The following MME variants were observed in gnomAD, a reference collection of about 807,000 sequenced individuals.
MME encodes the protein membrane metalloendopeptidase.
Under a neutral mutation model 113.2 loss-of-function variants are expected in MME, and 98 were observed. The observed-to-expected ratio is 0.87, with a 90% CI of 0.74 to 1.02. The LOEUF (loss-of-function observed/expected upper bound fraction) is 1.02. MME is among the 50% of genes least tolerant of loss of function. The probability of loss-of-function intolerance (pLI) is 0.00; values close to 1 mark genes in which losing one functional copy is unlikely to be tolerated. For synonymous variants in MME, 292 were observed against 300.6 expected, an observed-to-expected ratio of 0.97 and a Z score of 0.30; for missense variants, 836 against 896.0, an observed-to-expected ratio of 0.93 and a Z score of 0.86.
chr3:155,079,653 G>C (rs999868846), upstream of MME: 1 of 149,432 alleles, frequency 6.7e-6, no homozygotes, highest in South Asian at 2.1e-4. Flanking sequence ...CCGTGAGAGC[G>C]CCGAGACGCG....
chr3:155,172,225 T>C lies in MME; in HGVS notation c.2076+13T>C. 2 of 1,536,346 alleles carry C rather than the reference T, an allele frequency of 1.3e-6. No homozygotes were observed. Among genetic ancestry groups the C allele is most frequent in the Non-Finnish European group, 1.8e-6 (2 of 1,109,742 alleles). On this transcript the variant is annotated intron_variant, in intron 21 of 22. Coordinates refer to ENST00000360490, the MANE Select transcript of MME (RefSeq NM_007289.4). ...GAACTTTGCACAGGTATTGTGTCTT[T>C]CTTGATTGATAGATATGAAAACCAT...
intron 8 of MME, among the ~76,000 whole-genome samples, chr3:155,136,352 A>C (rs1426913600): frequency 6.6e-6 from 1 of 152,120 alleles, no homozygotes; most frequent in African/African-American, 2.4e-5. Context: ...TTTATTATGA[A>C]AGGACATTGG....
intron 1 of MME, among the ~76,000 whole-genome samples, chr3:155,031,594 G>A (rs1712973464): frequency 6.6e-6 from 1 of 152,158 alleles, no homozygotes; most frequent in Non-Finnish European, 1.5e-5. Flanking sequence ...AAGTACCATT[G>A]AAAAATAGCT....
In MME at chr3:155,133,039, TAAA is replaced by T. The variant is rs796968290; in HGVS notation, c.721-5041_721-5039del. Reference sequence around the variant, plus strand: ...CTGGGCAACAAGAGCAAACCCCGTCTAAAAAAAAAAAAAAAAAAAAAAAATATA... The same window carrying T: ...CTGGGCAACAAGAGCAAACCCCGTCTAAAAAAAAAAAAAAAAAAAAATATA... On this transcript the variant is annotated intron_variant, in intron 8 of 22. Coordinates refer to ENST00000360490, the MANE Select transcript of MME (RefSeq NM_007289.4). 7.7e-4 allele frequency among the ~76,000 whole-genome samples: 37 copies of T among 48,018 alleles called. 1 individual carries two copies. Among genetic ancestry groups the T allele is most frequent in the African/African-American group, 2.0e-3 (26 of 12,886 alleles). 31.5% of individuals were successfully genotyped at this position (48,018 alleles called of 152,430 possible). A position where few individuals can be genotyped will look rare whatever the true frequency, so the allele number is the denominator to read the frequency against.
intron 7 of MME, among the ~76,000 whole-genome samples, chr3:155,117,599 G>T (rs199923018): frequency 5.6e-3 from 735 of 130,750 alleles, no homozygotes; most frequent in Middle Eastern, 9.1e-3. Context: ...TTTTTTTTTT[G>T]TTTTTTTTTT....
intron 1 of MME, among the ~76,000 whole-genome samples, chr3:155,040,964 AT>A (rs2108120199): frequency 6.6e-6 from 1 of 152,330 alleles, no homozygotes; most frequent in East Asian, 1.9e-4. Flanking sequence ...ATAAATTTCT[AT>A]TACGAAGAAA....
intron 1 of MME, among the ~76,000 whole-genome samples, chr3:155,067,034 C>A (rs923266618): frequency 1.3e-5 from 2 of 151,964 alleles, no homozygotes; most frequent in African/African-American, 2.4e-5. Context: ...TATAAAGGAA[C>A]CATGAGTAAT....
At chr3:155,170,933 C>A (rs905301931) in intron 20 of MME, among the ~76,000 whole-genome samples, 5 of 152,138 alleles carry the variant, frequency 3.3e-5, no homozygotes, top group African/African-American at 1.2e-4. Flanking sequence ...CAGTGTTATG[C>A]AAACCATTGT....
chr3:155,162,023 C>T (rs1367077160), intron 17 of MME, among the ~76,000 whole-genome samples: 2 of 152,110 alleles, frequency 1.3e-5, no homozygotes, highest in African/African-American at 2.4e-5. Flanking sequence ...CTGAGACAAA[C>T]GTAATAATTA....
intron 1 of MME, among the ~76,000 whole-genome samples, chr3:155,057,099 C>A (rs1713958125): frequency 6.6e-6 from 1 of 152,106 alleles, no homozygotes; most frequent in Non-Finnish European, 1.5e-5. Flanking sequence ...GACAAATGGA[C>A]TCTAATTAAA....
chr3:155,026,481 TG>T (rs1170102216), intron 1 of MME, among the ~76,000 whole-genome samples: 1 of 152,182 alleles, frequency 6.6e-6, no homozygotes, highest in African/African-American at 2.4e-5. Context: ...CCCAGCACTT[TG>T]GGAGGCCGAG....
At chr3:155,072,167 C>CAAAAAAAAAAAA (rs71155031) in intron 1 of MME, among the ~76,000 whole-genome samples, 1 of 65,074 alleles carries the variant, frequency 1.5e-5, no homozygotes, top group African/African-American at 7.1e-5. Flanking sequence ...GACTCCGTCT[C>CAAAAAAAAAAAA]AAAAAAAAAA....
At position 155,125,444 on chromosome 3, in the gene MME, C is replaced by CTTTTTT. The variant is rs1165027340; in HGVS notation, c.720+6656_720+6661dup. On this transcript the variant is annotated intron_variant, in intron 8 of 22. Transcript: ENST00000360490. ...TATTCGGCCAACTTGGCTCCTCCTC[C>CTTTTTT]TTTTTTTTTTTTTTTTTTTTTTTTT... 3.4e-3 allele frequency among the ~76,000 whole-genome samples: 224 copies of CTTTTTT among 65,332 alleles called. 45 individuals are homozygous for CTTTTTT. Among genetic ancestry groups the CTTTTTT allele is most frequent in the Non-Finnish European group, 5.1e-3 (186 of 36,830 alleles). 42.9% of individuals were successfully genotyped at this position (65,332 alleles called of 152,430 possible).
intron 3 of MME, among the ~76,000 whole-genome samples, chr3:155,106,447 T>A (rs764989993): frequency 4.6e-5 from 7 of 152,320 alleles, no homozygotes; most frequent in Middle Eastern, 3.4e-3. Flanking sequence ...GGAAGCATCC[T>A]GAGTGTTTGT....
At chr3:155,025,003 C>A (rs1481520734) in intron 1 of MME, among the ~76,000 whole-genome samples, 2 of 152,108 alleles carry the variant, frequency 1.3e-5, no homozygotes, top group African/African-American at 2.4e-5. Flanking sequence ...AGAAAATAGA[C>A]CCACTGAACT....
chr3:155,044,702 C>T (rs2108123566), intron 1 of MME, among the ~76,000 whole-genome samples: 1 of 152,160 alleles, frequency 6.6e-6, no homozygotes, highest in African/African-American at 2.4e-5. Context: ...TTTCATTATG[C>T]TGGATTTTTG....
At position 155,083,143 on chromosome 3, in the gene MME, A is replaced by G. The variant is rs529996502; in HGVS notation, c.-10-1015A>G. Among the ~76,000 whole-genome samples the G allele has an allele frequency of 2.4e-4, 36 of 152,286 alleles. No individual in the cohort carries two copies. The South Asian group carries it at 4.8e-3, about 20-fold the overall frequency. On this transcript the variant is annotated intron_variant, in intron 1 of 22. Transcript: ENST00000360490. ...CTTATATCCCCTTAATTTTCCCCCT[A>G]AATTTCTACAGTACGCTTTTACTGC...
intron 8 of MME, among the ~76,000 whole-genome samples, chr3:155,119,697 T>A (rs1450318334): frequency 5.3e-5 from 8 of 151,436 alleles, no homozygotes; most frequent in African/African-American, 1.5e-4. Flanking sequence ...GATAGTTTAC[T>A]GAGAATGATT....
intron 16 of MME, among the ~76,000 whole-genome samples, chr3:155,158,012 TG>T (rs1443687531): frequency 6.6e-6 from 1 of 152,098 alleles, no homozygotes; most frequent in Non-Finnish European, 1.5e-5. Flanking sequence ...ACAAAAGGTA[TG>T]ACATTTATTT....
Sources: gnomAD v4.1 joint callset for allele counts (sites outside exome capture counted in the v4.1 genomes callset) on GRCh38, gnomAD v4.1.1 for gene constraint, MANE v1.5 for transcripts, NCBI Gene and HGNC (gene_info 2026-07-23, HGNC 2026-07-21) for gene names.